BACE2: variants seen among roughly 807,000 people sequenced by gnomAD.
BACE2 encodes 56 kDa aspartic-like protease.
Under a neutral mutation model 46.2 loss-of-function variants are expected in BACE2, and 17 were observed. The observed-to-expected ratio is 0.37, with a 90% CI of 0.25 to 0.55. BACE2 has a LOEUF of 0.55. BACE2 is among the 20% of genes least tolerant of loss of function. The pLI is 0.82. For missense variants in BACE2, 595 were observed against 698.1 expected (o/e 0.85, Z 1.66); for synonymous variants, 277 against 295.9 (o/e 0.94, Z 0.66).
At chr21:41,267,417 T>C (rs777572575) in intron 8 of BACE2, among the ~76,000 whole-genome samples, 9 of 152,366 alleles carry the variant, frequency 5.9e-5, no homozygotes, top group Middle Eastern at 3.4e-3. Context: ...CTCTCTGTTA[T>C]TTTAGTGTAT....
At chr21:41,235,435 C>T (rs1987089410) in intron 2 of BACE2, among the ~76,000 whole-genome samples, 1 of 152,218 alleles carries the variant, frequency 6.6e-6, no homozygotes, top group African/African-American at 2.4e-5. Flanking sequence ...GCACATGAAC[C>T]TCTGTCTGCT....
At chr21:41,269,889 T>C (rs2088417657) in intron 8 of BACE2, among the ~76,000 whole-genome samples, 1 of 152,226 alleles carries the variant, frequency 6.6e-6, no homozygotes, top group East Asian at 1.9e-4. Flanking sequence ...ACATAACATG[T>C]ATGTTTTACT....
intron 1 of BACE2, among the ~76,000 whole-genome samples, chr21:41,171,476 C>G (rs8127156): frequency 0.38 from 57,340 of 152,078 alleles, 12,232 homozygotes; most frequent in African/African-American, 0.58. Flanking sequence ...CTGAGAGCTG[C>G]AAGGCGTGTG....
At chr21:41,213,331 G>A (rs1171780244) in intron 1 of BACE2, among the ~76,000 whole-genome samples, 1 of 152,184 alleles carries the variant, frequency 6.6e-6, no homozygotes, top group Non-Finnish European at 1.5e-5. Context: ...TCTGGGGAAC[G>A]CAGGACTTAG....
chr21:41,227,698 G>C (rs970272028), intron 2 of BACE2, among the ~76,000 whole-genome samples: 1 of 152,150 alleles, frequency 6.6e-6, no homozygotes, highest in Non-Finnish European at 1.5e-5. Flanking sequence ...CTTGGTTTAT[G>C]GCTTCATGTG....
At chr21:41,224,209 A>ATTTTTTGTTTTTTT (rs1986740114) in intron 1 of BACE2, among the ~76,000 whole-genome samples, 1 of 98,906 alleles carries the variant, frequency 1.0e-5, no homozygotes, top group African/African-American at 4.5e-5. Context: ...GCCTATTTTG[A>ATTTTTTGTTTTTTT]TTTTTTTTTT....
intron 7 of BACE2, among the ~76,000 whole-genome samples, chr21:41,255,976 A>G (rs2123626653): frequency 6.6e-6 from 1 of 152,350 alleles, no homozygotes; most frequent in South Asian, 2.1e-4. Context: ...CTTGTGAGAA[A>G]AATCTACATT....
Position 41,208,413 on chromosome 21 carries a change from C to T in BACE2, c.313-17853C>T, listed in dbSNP as rs114946428. On this transcript the variant is annotated intron_variant, in intron 1 of 8. Coordinates refer to ENST00000330333, the MANE Select transcript of BACE2 (RefSeq NM_012105.5). Reference sequence around the variant, plus strand: ...ATGAAATCCTATCAGCAGGAAAGTCCATCCTTGCTGCTCTGCTCCACTCGC... The same window carrying T: ...ATGAAATCCTATCAGCAGGAAAGTCTATCCTTGCTGCTCTGCTCCACTCGC... Among the ~76,000 whole-genome samples, 834 of 152,286 alleles carry T rather than the reference C, an allele frequency of 5.5e-3. 9 individuals carry two copies. The highest frequency in any genetic ancestry group is 0.019 in the African/African-American group (800 of 41,546).
chr21:41,207,603 T>C (rs1986168854), intron 1 of BACE2, among the ~76,000 whole-genome samples: 1 of 152,022 alleles, frequency 6.6e-6, no homozygotes, highest in African/African-American at 2.4e-5. Context: ...CTCCTTGTTC[T>C]CTCTCTCTGC....
At chr21:41,212,015 A>G (rs535582575) in intron 1 of BACE2, among the ~76,000 whole-genome samples, 1 of 152,210 alleles carries the variant, frequency 6.6e-6, no homozygotes, top group Admixed American at 6.6e-5. Flanking sequence ...TTTCTCGACC[A>G]CTGTTTTCTT....
chr21:41,267,389 G>C (rs1049883745), intron 8 of BACE2, among the ~76,000 whole-genome samples: 1 of 152,134 alleles, frequency 6.6e-6, no homozygotes, highest in Non-Finnish European at 1.5e-5. Context: ...GAAAATAATA[G>C]AGTGTTAAAA....
chr21:41,201,030 C>T (rs1405593275), intron 1 of BACE2, among the ~76,000 whole-genome samples: 1 of 152,224 alleles, frequency 6.6e-6, no homozygotes, highest in Non-Finnish European at 1.5e-5. Context: ...GCAGCTTCCA[C>T]TGCTCAGGCA....
intron 1 of BACE2, chr21:41,179,187 A>T: frequency 3.4e-6 from 4 of 1,164,340 alleles, no homozygotes; most frequent in Non-Finnish European, 4.3e-6. Flanking sequence ...CAGGGTGAGG[A>T]GTGAGGGTGT....
chr21:41,261,748 A>AT (rs1732931337), intron 8 of BACE2, among the ~76,000 whole-genome samples: 3 of 151,926 alleles, frequency 2.0e-5, no homozygotes, highest in Admixed American at 6.6e-5. Context: ...AGGACGTTCC[A>AT]TTTTCTCAGC....
chr21:41,229,592 T>C (rs1986917484), intron 2 of BACE2, among the ~76,000 whole-genome samples: 2 of 152,338 alleles, frequency 1.3e-5, no homozygotes, highest in South Asian at 4.1e-4. Flanking sequence ...GGGTAAATAA[T>C]ACTCTGCATT....
At chr21:41,219,661 C>G (rs1381033967) in intron 1 of BACE2, among the ~76,000 whole-genome samples, 1 of 152,176 alleles carries the variant, frequency 6.6e-6, no homozygotes, top group Non-Finnish European at 1.5e-5. Flanking sequence ...TTACTTTGAC[C>G]TGTTACTGAC....
intron 3 of BACE2, among the ~76,000 whole-genome samples, chr21:41,240,496 A>G (rs1420641717): frequency 6.6e-6 from 1 of 152,198 alleles, no homozygotes; most frequent in African/African-American, 2.4e-5. Flanking sequence ...TAAGCCCCAG[A>G]GCGGCTCCAG....
At chr21:41,219,722 A>T (rs189523885) in intron 1 of BACE2, among the ~76,000 whole-genome samples, 1 of 152,356 alleles carries the variant, frequency 6.6e-6, no homozygotes, top group Admixed American at 6.5e-5. Flanking sequence ...CTCTCCTGTG[A>T]AATCCATGTA....
At chr21:41,204,485 G>A (rs1986063430) in intron 1 of BACE2, among the ~76,000 whole-genome samples, 1 of 152,222 alleles carries the variant, frequency 6.6e-6, no homozygotes, top group African/African-American at 2.4e-5. Context: ...ACTGAGTGGG[G>A]TGGTCCAGTG....
Sources: allele counts gnomAD v4.1 joint callset (sites outside exome capture counted in the v4.1 genomes callset), GRCh38; gene constraint gnomAD v4.1.1; transcripts MANE v1.5; gene names NCBI Gene and HGNC (gene_info 2026-07-23, HGNC 2026-07-21).